Variants in MGAM observed in about 807,000 individuals in gnomAD.
MGAM encodes the protein alpha-1,4-glucosidase.
MGAM carries 253 observed loss-of-function variants against 358.8 expected under a neutral mutation model. The ratio of observed to expected loss-of-function variants is 0.71; its 90% confidence interval spans 0.64 to 0.78. The LOEUF (loss-of-function observed/expected upper bound fraction) is 0.78, where lower values mean the gene tolerates loss of function less well. Ranked by LOEUF, MGAM falls within the 30% of genes least tolerant of loss-of-function variation. The pLI, the probability that MGAM is intolerant of heterozygous loss-of-function variation, is 0.00. For synonymous variants in MGAM, 1,105 were observed against 1,227.1 expected, an observed-to-expected ratio of 0.90 and a Z score of 2.08; for missense variants, 3,080 against 3,432.6, an observed-to-expected ratio of 0.90 and a Z score of 2.57.
At chr7:142,027,879 A>AT (rs34441915) in intron 10 of MGAM, 144 bp downstream of exon 10, 2,435 of 656,286 alleles carry the variant, frequency 3.7e-3, no homozygotes, top group Middle Eastern at 0.011. Flanking sequence ...AATACTAGAC[A>AT]TTTTTTTTTT....
rs775552881 is a variant in MGAM, at chr7:142,038,567, A to G, written c.2268A>G (p.Gln756=). 13 of 1,611,582 alleles carry G rather than the reference A, an allele frequency of 8.1e-6. No homozygotes were observed. The highest frequency in any genetic ancestry group is 4.5e-5 in the East Asian group (2 of 44,696). Residue 756 remains glutamine (Q), a synonymous_variant, in exon 19 of 71, where the codon CAA becomes CAG. Coordinates refer to ENST00000475668, the MANE Select transcript of MGAM (RefSeq NM_001365693.1). ...YEDNSTWDVH[Q]QFLWGPGLLI... ...ACAACAGCACTTGGGATGTGCACCA[A>G]CAGTTCTTATGGGGGCCCGGCCTCC...
Position 142,056,430 on chromosome 7 carries a change from T to TTG in MGAM, c.3580+335_3580+336dup, listed in dbSNP as rs1166630579. Among the ~76,000 whole-genome samples, 280 of 152,280 alleles carry TTG rather than the reference T, an allele frequency of 1.8e-3. 2 individuals carry two copies. Among genetic ancestry groups the TTG allele is most frequent in the African/African-American group, 6.2e-3 (257 of 41,550 alleles). On this transcript the variant is annotated intron_variant, in intron 29 of 70. Transcript: ENST00000475668. ...GGTCAGAGAAGTTAGTCTGGGGGTA[T>TTG]TGAGGGTGTATGGTATGTTGGAAAA...
At chr7:142,041,784 T>G (rs1342711205) in intron 21 of MGAM, among the ~76,000 whole-genome samples, 2 of 144,742 alleles carry the variant, frequency 1.4e-5, no homozygotes, top group Non-Finnish European at 3.0e-5. Flanking sequence ...AAATGAAACT[T>G]TACATTTCAG....
At chr7:142,097,376 A>G (rs1048305872) in intron 65 of MGAM, among the ~76,000 whole-genome samples, 4 of 152,166 alleles carry the variant, frequency 2.6e-5, no homozygotes, top group South Asian at 2.1e-4. Context: ...CCTGGGTACC[A>G]AAGTGCTTTA....
chr7:142,062,613 A>G lies in MGAM; in HGVS notation c.4168A>G (p.Thr1390Ala). Residue 1390 changes from threonine (T) to alanine (A), a missense_variant, in exon 35 of 71, where the codon ACT becomes GCT. Thr to Ala is a moderately conservative substitution (Grantham distance 58). Transcript: ENST00000475668. ...VAFPDFFRNS[T>A]AKWWKREIEE... is the part of the protein sequence containing the mutation. ...CTTCCCAGACTTTTTCCGTAATTCA[A>G]CTGCCAAGTGGTGGAAGAGGGAAAT... 1 of 1,611,334 alleles carries G rather than the reference A, an allele frequency of 6.2e-7. No homozygotes were observed. The highest frequency in any genetic ancestry group is 2.2e-5 in the East Asian group (1 of 44,802).
chr7:142,088,621 A>G (rs1392622672), intron 57 of MGAM, among the ~76,000 whole-genome samples: 1 of 142,302 alleles, frequency 7.0e-6, no homozygotes, highest in African/African-American at 2.5e-5. Flanking sequence ...TATCCACTCT[A>G]TCTACTCAGG....
At position 142,090,724 on chromosome 7, in the gene MGAM, C is replaced by T. The variant is rs1815303139; in HGVS notation, c.6811-1189C>T. Among the ~76,000 whole-genome samples, 4 of 146,340 alleles carry T rather than the reference C, an allele frequency of 2.7e-5. 1 individual carries two copies. The South Asian group carries it at 8.7e-4, about 32-fold the overall frequency. ...GCATTCTTTAGCTCTTTAACTCTTA[C>T]AATGGTGTGATTGTCATAAAGGAGG... On this transcript the variant is annotated intron_variant, in intron 57 of 70. Transcript: ENST00000475668.
chr7:142,041,211 C>A (rs937168492), intron 21 of MGAM, among the ~76,000 whole-genome samples: 1 of 152,098 alleles, frequency 6.6e-6, no homozygotes, highest in Non-Finnish European at 1.5e-5. Context: ...CTCAAATCTC[C>A]AAGTCACTGA....
intron 14 of MGAM, among the ~76,000 whole-genome samples, chr7:142,033,434 A>G (rs1807691032): frequency 6.6e-6 from 1 of 152,192 alleles, no homozygotes; most frequent in Admixed American, 6.5e-5. Flanking sequence ...TGGCCTTGGC[A>G]TCATAGCATC....
Position 142,076,669 on chromosome 7 carries a change from A to G in MGAM, c.5336A>G (p.Glu1779Gly), listed in dbSNP as rs774628343. The change falls in exon 47 of 71, where the codon GAG becomes GGG. Residue 1779 changes from glutamate to glycine, a missense_variant. Transcript: ENST00000475668. ...CEFSVTQNHL[E>G]VTISQSTYKD... is the part of the protein sequence containing the mutation. ...TTAATTGTTTTGCAGAACCACTTGG[A>G]GGTGACTATTTCACAATCAACCTAC... 1.9e-6 allele frequency: 3 copies of G among 1,544,334 alleles called. No homozygotes were observed. Among genetic ancestry groups the G allele is most frequent in the Admixed American group, 3.5e-5 (2 of 57,618 alleles).
At chr7:142,076,566 G>T in intron 46 of MGAM, 93 bp from the exon 47 acceptor site, 2 of 1,150,066 alleles carry the variant, frequency 1.7e-6, no homozygotes, top group Non-Finnish European at 2.5e-6. Flanking sequence ...GGCAGTGGGG[G>T]GTATCCAGTC....
At chr7:142,018,075 T>C (rs1806112500) in intron 3 of MGAM, among the ~76,000 whole-genome samples, 1 of 152,198 alleles carries the variant, frequency 6.6e-6, no homozygotes, top group Non-Finnish European at 1.5e-5. Flanking sequence ...TTCCAAAATT[T>C]AATGGCCTAA....
chr7:142,041,571 T>C (rs1808545517), intron 21 of MGAM, among the ~76,000 whole-genome samples: 1 of 151,914 alleles, frequency 6.6e-6, no homozygotes, highest in Non-Finnish European at 1.5e-5. Context: ...CCAAAGTCTT[T>C]CATTAATAGG....
intron 47 of MGAM, among the ~76,000 whole-genome samples, chr7:142,077,732 T>C (rs1286058966): frequency 6.9e-6 from 1 of 145,386 alleles, no homozygotes; most frequent in African/African-American, 2.4e-5. Context: ...TATGCCTGAA[T>C]CAAAATATTT....
chr7:142,043,490 AAT>A (rs1217151507), intron 21 of MGAM, among the ~76,000 whole-genome samples: 1 of 86,052 alleles, frequency 1.2e-5, no homozygotes, highest in African/African-American at 5.2e-5. Context: ...ATCTAAATAT[AAT>A]ATATATATTA....
At chr7:142,091,453 C>T (rs1187969209) in intron 57 of MGAM, among the ~76,000 whole-genome samples, 1 of 145,794 alleles carries the variant, frequency 6.9e-6, no homozygotes, top group African/African-American at 2.4e-5. Context: ...GTCTTATATC[C>T]TGAAATGTAA....
At position 142,008,723 on chromosome 7, in the gene MGAM, T is replaced by C; in HGVS notation, c.327+18T>C. 1 of 1,603,298 alleles carries C rather than the reference T, an allele frequency of 6.2e-7. No homozygotes were observed. The highest frequency in any genetic ancestry group is 8.5e-7 in the Non-Finnish European group (1 of 1,175,154). ...CAACAAAGGTTTGAGTTATGAATTT[T>C]GTTTCCATTTTAGAATTTATGCAAC... On this transcript the variant is annotated intron_variant, in intron 3 of 70. Transcript: ENST00000475668.
chr7:142,023,409 T>G (rs1554459763), intron 7 of MGAM, among the ~76,000 whole-genome samples: 2 of 151,282 alleles, frequency 1.3e-5, no homozygotes, highest in African/African-American at 4.9e-5. Flanking sequence ...AGAAAGGAGA[T>G]TACAGCAATA....
intron 65 of MGAM, among the ~76,000 whole-genome samples, chr7:142,096,708 G>T (rs1815947455): frequency 6.6e-6 from 1 of 152,176 alleles, no homozygotes; most frequent in Admixed American, 6.5e-5. Flanking sequence ...AGGAATAGAA[G>T]ATCAGATGGG....
Sources: gnomAD v4.1 joint callset for allele counts (sites outside exome capture counted in the v4.1 genomes callset) on GRCh38, gnomAD v4.1.1 for gene constraint, MANE v1.5 for transcripts, NCBI Gene and HGNC (gene_info 2026-07-23, HGNC 2026-07-21) for gene names.